The following HMCN1 variants were observed in gnomAD, a reference collection of about 807,000 sequenced individuals.
The protein encoded by HMCN1 is hemicentin 1.
In HMCN1, 321 loss-of-function variants were observed where a neutral mutation model predicts 625.9. The ratio of observed to expected loss-of-function variants is 0.51; its 90% CI spans 0.47 to 0.56. HMCN1 has a LOEUF of 0.56. Ranked by LOEUF, HMCN1 falls within the 20% of genes least tolerant of loss-of-function variation. The pLI is 0.00. For synonymous variants in HMCN1, 2,425 were observed against 2,417.6 expected, an observed-to-expected ratio of 1.00 and a Z score of -0.09; for missense variants, 6,588 against 6,887.3, an observed-to-expected ratio of 0.96 and a Z score of 1.54.
chr1:186,181,166 G>A (rs1426848205), intron 104 of HMCN1, among the ~76,000 whole-genome samples: 1 of 152,064 alleles, frequency 6.6e-6, no homozygotes, highest in Non-Finnish European at 1.5e-5. Context: ...GGTTAAAGCT[G>A]ATTTTAAAGG....
chr1:185,934,971 TG>T (rs922233298), intron 11 of HMCN1, among the ~76,000 whole-genome samples: 2 of 152,168 alleles, frequency 1.3e-5, no homozygotes, highest in African/African-American at 4.8e-5. Context: ...TTAGTTGATC[TG>T]GGGAGTCGTC....
Position 186,152,767 on chromosome 1 carries a change from A to C in HMCN1, c.14914A>C (p.Ser4972Arg). ...ATTCCCAGGAGAAATCTTGCAGATGAGTCATATTGCCCGGGGCTTGGATTC... is the reference window on the plus strand; with the variant it reads ...ATTCCCAGGAGAAATCTTGCAGATGCGTCATATTGCCCGGGGCTTGGATTC... ...EFATGEILQM[S>R]HIARGLDSDG... The change falls in exon 96 of 107, where the codon AGT becomes CGT. Residue 4972 changes from serine (S) to arginine (R), a missense_variant. By Grantham distance (110) the Ser-to-Arg change is moderately radical. Coordinates refer to ENST00000271588, the MANE Select transcript of HMCN1 (RefSeq NM_031935.3). 1 of 1,613,942 alleles carries C rather than the reference A, an allele frequency of 6.2e-7. No homozygotes were observed. Among genetic ancestry groups the C allele is most frequent in the Non-Finnish European group, 8.5e-7 (1 of 1,179,846 alleles).
chr1:185,954,970 T>C (rs1473053771), intron 11 of HMCN1, among the ~76,000 whole-genome samples: 2 of 152,034 alleles, frequency 1.3e-5, no homozygotes, highest in African/African-American at 4.8e-5. Flanking sequence ...AAATTTAGAG[T>C]TCAGTGGAAC....
intron 17 of HMCN1, among the ~76,000 whole-genome samples, chr1:185,981,437 A>G (rs1399662452): frequency 2.0e-5 from 3 of 152,130 alleles, no homozygotes; most frequent in East Asian, 1.9e-4. Flanking sequence ...AGGTAAAAAT[A>G]TAATATCATT....
At chr1:186,013,851 A>G (rs972571698) in intron 30 of HMCN1, among the ~76,000 whole-genome samples, 14 of 152,190 alleles carry the variant, frequency 9.2e-5, no homozygotes, top group African/African-American at 3.4e-4. Flanking sequence ...ATTGATATAA[A>G]TAAGTGATTG....
At chr1:186,175,827 G>GATT (rs1400455925) in intron 103 of HMCN1, among the ~76,000 whole-genome samples, 1 of 138,928 alleles carries the variant, frequency 7.2e-6, no homozygotes, top group Non-Finnish European at 1.5e-5. Context: ...AGTGAGCCGA[G>GATT]ATTGCATCAC....
intron 68 of HMCN1, among the ~76,000 whole-genome samples, chr1:186,098,021 CTCTA>C (rs1558221641): frequency 6.6e-6 from 1 of 151,986 alleles, no homozygotes; most frequent in Non-Finnish European, 1.5e-5. Flanking sequence ...GAAACTAGAC[CTCTA>C]TCTTTCACTG....
At chr1:186,178,331 T>C in intron 103 of HMCN1, 85 bp from the exon 104 acceptor site, 1 of 994,246 alleles carries the variant, frequency 1.0e-6, no homozygotes, top group South Asian at 1.3e-5. Flanking sequence ...TCAGTTTGTT[T>C]CACAGACTCA....
In HMCN1 at chr1:186,185,358, T is replaced by G. The variant is rs1001632947; in HGVS notation, c.16415-2525T>G. ...AGATAAGGCTAATTGAATTTCACAT[T>G]TTTCTAGAAGGCTTTTCAAGTCACT... On this transcript the variant is annotated intron_variant, in intron 105 of 106. Transcript: ENST00000271588. Among the ~76,000 whole-genome samples the G allele has an allele frequency of 1.3e-5, 2 of 152,168 alleles. 1 individual carries two copies. Among genetic ancestry groups the G allele is most frequent in the Non-Finnish European group, 2.9e-5 (2 of 68,030 alleles).
intron 4 of HMCN1, among the ~76,000 whole-genome samples, chr1:185,870,884 A>G (rs1663570584): frequency 1.3e-5 from 2 of 152,046 alleles, no homozygotes; most frequent in Non-Finnish European, 2.9e-5. Context: ...GGTGCCTTTC[A>G]TTTTCCCAAA....
chr1:185,780,490 TA>T (rs1427040903), intron 1 of HMCN1, among the ~76,000 whole-genome samples: 1 of 152,222 alleles, frequency 6.6e-6, no homozygotes, highest in Non-Finnish European at 1.5e-5. Flanking sequence ...GGGTTTGTCA[TA>T]AATAGCTCTT....
intron 2 of HMCN1, among the ~76,000 whole-genome samples, chr1:185,856,037 G>A (rs1003944306): frequency 3.3e-5 from 5 of 152,134 alleles, no homozygotes; most frequent in African/African-American, 4.8e-5. Flanking sequence ...TGTCACTGAC[G>A]AACTCTGTAA....
chr1:186,040,195 G>T (rs1571762325), intron 39 of HMCN1, among the ~76,000 whole-genome samples: 2 of 152,170 alleles, frequency 1.3e-5, no homozygotes, highest in Admixed American at 6.6e-5. Context: ...TTTACACAAA[G>T]AAATGTTAAT....
intron 1 of HMCN1, among the ~76,000 whole-genome samples, chr1:185,827,114 G>T (rs1368948899): frequency 1.3e-5 from 2 of 148,864 alleles, no homozygotes; most frequent in African/African-American, 5.0e-5. Context: ...AGAGCTTGCA[G>T]TGAGCCGAGA....
At chr1:185,841,703 G>C (rs562642567) in intron 1 of HMCN1, among the ~76,000 whole-genome samples, 1 of 152,278 alleles carries the variant, frequency 6.6e-6, no homozygotes, top group Admixed American at 6.5e-5. Context: ...GGTAGATGCT[G>C]GCTATCATGC....
chr1:186,086,544 A>T, intron 58 of HMCN1, 137 bp downstream of exon 58: 2 of 848,740 alleles, frequency 2.4e-6, no homozygotes, highest in Non-Finnish European at 3.7e-6. Flanking sequence ...CTCTTTGCCC[A>T]TTTGTGGTCA....
At chr1:185,747,379 C>T (rs1036081000) in intron 1 of HMCN1, among the ~76,000 whole-genome samples, 3 of 151,122 alleles carry the variant, frequency 2.0e-5, no homozygotes, top group Non-Finnish European at 2.9e-5. Context: ...AGTGCAGTGG[C>T]GTGATCTCGG....
At chr1:185,904,136 G>C (rs548962946) in intron 4 of HMCN1, among the ~76,000 whole-genome samples, 2 of 151,934 alleles carry the variant, frequency 1.3e-5, no homozygotes, top group Admixed American at 1.3e-4. Flanking sequence ...AAATCTCTGA[G>C]TTCCTCCATC....
At chr1:186,140,112 T>C (rs1649860267) in intron 89 of HMCN1, among the ~76,000 whole-genome samples, 1 of 152,204 alleles carries the variant, frequency 6.6e-6, no homozygotes, top group Non-Finnish European at 1.5e-5. Context: ...GTGATCAAAA[T>C]TGGGAAATTT....
Sources: gnomAD v4.1 joint callset for allele counts (sites outside exome capture counted in the v4.1 genomes callset) on GRCh38, gnomAD v4.1.1 for gene constraint, MANE v1.5 for transcripts, NCBI Gene and HGNC (gene_info 2026-07-23, HGNC 2026-07-21) for gene names.